Variants in HHAT observed in about 807,000 individuals in gnomAD.
HHAT encodes protein-cysteine N-palmitoyltransferase HHAT.
A neutral mutation model predicts 70.8 loss-of-function variants in HHAT; 47 were observed. That is an observed-to-expected ratio of 0.66 (90% CI 0.53 to 0.85). The LOEUF (loss-of-function observed/expected upper bound fraction) is 0.85. Among genes scored for constraint, HHAT ranks in the 40% least tolerant of loss-of-function variants. The pLI is 0.00. For missense variants in HHAT, 609 were observed against 604.8 expected, an observed-to-expected ratio of 1.01 and a Z score of -0.07; for synonymous variants, 228 against 247.6, an observed-to-expected ratio of 0.92 and a Z score of 0.74.
At chr1:210,561,575 G>A (rs1395516143) in intron 9 of HHAT, among the ~76,000 whole-genome samples, 1 of 152,068 alleles carries the variant, frequency 6.6e-6, no homozygotes, top group Non-Finnish European at 1.5e-5. Flanking sequence ...TCTTACCCTT[G>A]TTTTACTGCT....
intron 9 of HHAT, among the ~76,000 whole-genome samples, chr1:210,531,321 C>G (rs567146474): frequency 1.3e-5 from 2 of 152,240 alleles, no homozygotes; most frequent in East Asian, 3.9e-4. Context: ...TGTTATAGAA[C>G]AGTCTGTATT....
chr1:210,421,249 AGT>A (rs2092894235), intron 7 of HHAT, among the ~76,000 whole-genome samples: 1 of 151,714 alleles, frequency 6.6e-6, no homozygotes, highest in South Asian at 2.1e-4. Flanking sequence ...ACAAAGCTGT[AGT>A]AACCAAAACA....
chr1:210,356,221 T>C (rs2087604537), intron 2 of HHAT, among the ~76,000 whole-genome samples: 1 of 151,998 alleles, frequency 6.6e-6, no homozygotes, highest in African/African-American at 2.4e-5. Flanking sequence ...CCTGTGAAAA[T>C]TATTTTCTAA....
chr1:210,443,828 AC>A (rs1378261353), intron 7 of HHAT, among the ~76,000 whole-genome samples: 22 of 2,078 alleles, frequency 0.011, no homozygotes, highest in African/African-American at 0.043. Flanking sequence ...CTAATTGAAT[AC>A]CCTTTATTTC....
chr1:210,375,298 T>C (rs1183209717), intron 3 of HHAT, among the ~76,000 whole-genome samples: 1 of 127,272 alleles, frequency 7.9e-6, no homozygotes, highest in Non-Finnish European at 1.6e-5. Context: ...TGTATGTGTA[T>C]ATACACACAC....
intron 3 of HHAT, among the ~76,000 whole-genome samples, chr1:210,385,760 G>A (rs915875534): frequency 1.3e-5 from 2 of 152,192 alleles, no homozygotes; most frequent in East Asian, 3.8e-4. Flanking sequence ...ACAAGGGATG[G>A]GAAGCACATG....
intron 10 of HHAT, among the ~76,000 whole-genome samples, chr1:210,612,314 T>C (rs1004115767): frequency 2.0e-5 from 3 of 152,174 alleles, no homozygotes; most frequent in African/African-American, 7.2e-5. Flanking sequence ...TCTCATCCTC[T>C]CCTCTCTCAG....
chr1:210,644,183 A>G (rs78080039), intron 11 of HHAT, among the ~76,000 whole-genome samples: 2,487 of 152,348 alleles, frequency 0.016, 31 homozygotes, highest in Non-Finnish European at 0.024. Flanking sequence ...CCAGGACTAG[A>G]GGCCAAGTCT....
intron 9 of HHAT, among the ~76,000 whole-genome samples, chr1:210,544,489 C>T (rs2095465542): frequency 6.7e-6 from 1 of 149,848 alleles, no homozygotes; most frequent in Non-Finnish European, 1.5e-5. Context: ...TCTCCTGCTT[C>T]AGCCTCCCGA....
chr1:210,634,232 C>T (rs1335941286), intron 11 of HHAT, among the ~76,000 whole-genome samples: 1 of 152,142 alleles, frequency 6.6e-6, no homozygotes, highest in East Asian at 1.9e-4. Flanking sequence ...ACATTCCGCC[C>T]AGAGAGCACT....
intron 10 of HHAT, among the ~76,000 whole-genome samples, chr1:210,605,940 T>C (rs1232164986): frequency 1.3e-5 from 2 of 151,832 alleles, no homozygotes; most frequent in African/African-American, 4.8e-5. Context: ...CACTGCAACC[T>C]CCACCTCCCA....
chr1:210,393,046 A>G (rs995592402), intron 4 of HHAT, among the ~76,000 whole-genome samples: 1 of 152,066 alleles, frequency 6.6e-6, no homozygotes, highest in Non-Finnish European at 1.5e-5. Flanking sequence ...ACTAGGGTCA[A>G]TCCCTGCATT....
chr1:210,433,866 C>T (rs2093314250), intron 7 of HHAT, among the ~76,000 whole-genome samples: 1 of 151,990 alleles, frequency 6.6e-6, no homozygotes, highest in Non-Finnish European at 1.5e-5. Context: ...TTCCTGAGCA[C>T]TGCCTGGGCA....
At chr1:210,575,529 A>G (rs991278525) in intron 9 of HHAT, among the ~76,000 whole-genome samples, 4 of 152,178 alleles carry the variant, frequency 2.6e-5, no homozygotes, top group Non-Finnish European at 4.4e-5. Flanking sequence ...TGAGACTTCA[A>G]TGTGCTCTCA....
chr1:210,602,408 A>C (rs758649160), intron 10 of HHAT, among the ~76,000 whole-genome samples: 1 of 152,136 alleles, frequency 6.6e-6, no homozygotes, highest in Non-Finnish European at 1.5e-5. Flanking sequence ...AGCACACTGG[A>C]GAATCAACAG....
chr1:210,504,789 G>T (rs1302186244), intron 8 of HHAT, among the ~76,000 whole-genome samples: 1 of 152,052 alleles, frequency 6.6e-6, no homozygotes, highest in Non-Finnish European at 1.5e-5. Context: ...TTTTCTATCA[G>T]ACCTTGGTAT....
At chr1:210,540,481 GCACACACACGCA>G (rs2095418080) in intron 9 of HHAT, among the ~76,000 whole-genome samples, 1 of 96,890 alleles carries the variant, frequency 1.0e-5, no homozygotes, top group Non-Finnish European at 2.8e-5. Flanking sequence ...GCACACACAT[GCACACACACGCA>G]CACACACATG....
intron 9 of HHAT, among the ~76,000 whole-genome samples, chr1:210,519,185 G>A (rs1440491468): frequency 6.6e-6 from 1 of 152,188 alleles, no homozygotes; most frequent in Non-Finnish European, 1.5e-5. Context: ...TATGACAAGA[G>A]TGACCCAATT....
At chr1:210,559,722 A>G (rs1225777794) in intron 9 of HHAT, among the ~76,000 whole-genome samples, 3 of 152,154 alleles carry the variant, frequency 2.0e-5, no homozygotes, top group Non-Finnish European at 4.4e-5. Context: ...TATTGTGACA[A>G]TATGCTGGCT....
Sources: allele counts gnomAD v4.1 joint callset (sites outside exome capture counted in the v4.1 genomes callset), GRCh38; gene constraint gnomAD v4.1.1; transcripts MANE v1.5; gene names NCBI Gene and HGNC (gene_info 2026-07-23, HGNC 2026-07-21).